USH2A: variants seen among roughly 807,000 people sequenced by gnomAD.
USH2A encodes the protein Usher syndrome 2A (autosomal recessive, mild).
A neutral mutation model predicts 538.9 loss-of-function variants in USH2A; 443 were observed. The observed-to-expected ratio is 0.82, with a 90% CI of 0.76 to 0.89. USH2A has a LOEUF of 0.89. USH2A is among the 40% of genes least tolerant of loss of function. USH2A has a pLI of 0.00. For synonymous variants in USH2A, 2,413 were observed against 2,273.5 expected, an observed-to-expected ratio of 1.06 and a Z score of -1.75; for missense variants, 6,633 against 6,324.8, an observed-to-expected ratio of 1.05 and a Z score of -1.65.
chr1:216,149,706 C>A (rs2033794151), intron 21 of USH2A, among the ~76,000 whole-genome samples: 1 of 152,136 alleles, frequency 6.6e-6, no homozygotes, highest in Non-Finnish European at 1.5e-5. Flanking sequence ...GGCTGCTAAT[C>A]TTCTCTTGCC....
At chr1:216,345,941 G>A (rs6671672) in intron 4 of USH2A, among the ~76,000 whole-genome samples, 2,284 of 152,182 alleles carry the variant, frequency 0.015, 55 homozygotes, top group African/African-American at 0.052. Flanking sequence ...GACTCCTTCT[G>A]GGAAGAGCAA....
intron 3 of USH2A, among the ~76,000 whole-genome samples, chr1:216,389,642 T>G (rs1300440962): frequency 2.0e-5 from 3 of 152,210 alleles, no homozygotes; most frequent in Admixed American, 6.5e-5. Context: ...AGGAGATTTA[T>G]ATGCTATAAA....
chr1:215,849,574 G>C (rs1663964039), intron 44 of USH2A, among the ~76,000 whole-genome samples: 1 of 152,124 alleles, frequency 6.6e-6, no homozygotes, highest in South Asian at 2.1e-4. Flanking sequence ...TTATGGATAT[G>C]AAATGCCCCA....
At chr1:216,169,381 C>G (rs2034233483) in intron 21 of USH2A, among the ~76,000 whole-genome samples, 1 of 152,016 alleles carries the variant, frequency 6.6e-6, no homozygotes, top group African/African-American at 2.4e-5. Context: ...AAATAAGTCA[C>G]TTTTAAAAGG....
chr1:216,359,943 G>A (rs921310009), intron 4 of USH2A, among the ~76,000 whole-genome samples: 2 of 152,090 alleles, frequency 1.3e-5, no homozygotes, highest in Admixed American at 6.6e-5. Flanking sequence ...TGGGGCAACA[G>A]GGACTCTCTT....
intron 38 of USH2A, among the ~76,000 whole-genome samples, chr1:215,915,717 G>A (rs1665935739): frequency 6.6e-6 from 1 of 151,812 alleles, no homozygotes; most frequent in Non-Finnish European, 1.5e-5. Context: ...AAATCATGCT[G>A]CTATAAAGAC....
At position 216,175,478 on chromosome 1, in the gene USH2A, T is replaced by G. The variant is rs747002715; in HGVS notation, c.4401A>C (p.Pro1467=). Residue 1467 remains proline (P), a synonymous_variant, in exon 21 of 72, where the codon CCA becomes CCC. Transcript: ENST00000307340. ...TAACCAGAGGTGGCCTCAGTTGTGC[T>G]GGTGCTAAATATTAGAAAACACCTG... ...SGAGQTLAAA[P]AQLRPPLVKG... The G allele has an allele frequency of 1.2e-6, 2 of 1,613,778 alleles. No individual in the cohort carries two copies. The highest frequency in any genetic ancestry group is 1.7e-6 in the Non-Finnish European group (2 of 1,179,850).
chr1:216,386,774 G>A (rs781443073), intron 3 of USH2A, among the ~76,000 whole-genome samples: 5 of 151,536 alleles, frequency 3.3e-5, no homozygotes, highest in Admixed American at 6.6e-5. Flanking sequence ...ATAATGGAGC[G>A]AACCCGGGAG....
intron 64 of USH2A, among the ~76,000 whole-genome samples, chr1:215,655,489 C>G (rs1307479533): frequency 6.6e-6 from 1 of 152,134 alleles, no homozygotes; most frequent in Non-Finnish European, 1.5e-5. Context: ...CTATTTTTCT[C>G]TCAGTGCAGA....
At chr1:216,150,683 C>T (rs1264422992) in intron 21 of USH2A, among the ~76,000 whole-genome samples, 2 of 152,046 alleles carry the variant, frequency 1.3e-5, no homozygotes. Flanking sequence ...CAAGCTGCCG[C>T]CCTCCTTCGC....
intron 3 of USH2A, among the ~76,000 whole-genome samples, chr1:216,394,203 C>A (rs191568015): frequency 6.6e-6 from 1 of 152,294 alleles, no homozygotes; most frequent in East Asian, 1.9e-4. Flanking sequence ...TGCAAAACAA[C>A]TGTAATCTGA....
At chr1:216,196,817 T>C in intron 18 of USH2A, 95 bp from the exon 19 acceptor site, 1 of 1,370,178 alleles carries the variant, frequency 7.3e-7, no homozygotes, top group East Asian at 2.5e-5. Flanking sequence ...GTTTCTGAAA[T>C]ACCTTTACCT....
intron 34 of USH2A, among the ~76,000 whole-genome samples, chr1:215,995,068 T>A (rs552146399): frequency 6.6e-6 from 1 of 152,320 alleles, no homozygotes; most frequent in African/African-American, 2.4e-5. Flanking sequence ...TACTTGTCAC[T>A]ATTTTTTTCT....
At chr1:215,981,459 C>T (rs1176429278) in intron 35 of USH2A, among the ~76,000 whole-genome samples, 1 of 152,126 alleles carries the variant, frequency 6.6e-6, no homozygotes, top group African/African-American at 2.4e-5. Context: ...ATACTACTCA[C>T]TGTAAAGTCT....
chr1:216,007,678 T>G (rs931389160), intron 32 of USH2A, among the ~76,000 whole-genome samples: 9 of 152,216 alleles, frequency 5.9e-5, no homozygotes, highest in Non-Finnish European at 1.3e-4. Context: ...GTAGAAGCAC[T>G]GAGGATACCC....
At chr1:215,906,594 CA>C (rs2102475127) in intron 38 of USH2A, among the ~76,000 whole-genome samples, 1 of 151,990 alleles carries the variant, frequency 6.6e-6, no homozygotes, top group East Asian at 1.9e-4. Context: ...ATTAAATAAA[CA>C]AATTTCAATA....
At chr1:216,413,193 C>T in intron 3 of USH2A, among the ~76,000 whole-genome samples, 1 of 151,994 alleles carries the variant, frequency 6.6e-6, no homozygotes, top group East Asian at 1.9e-4. Context: ...TGCATACTTA[C>T]ACACACATAC....
rs150035085 is a variant in USH2A, at chr1:215,974,802, C to T, written c.6806-4026G>A. ...TGTGACTAGTACTGTGATGAACACA[C>T]GAGTGCATGTTTCTTTTGGTAGAAT... On this transcript the variant is annotated intron_variant, in intron 35 of 71. Coordinates refer to ENST00000307340, the MANE Select transcript of USH2A (RefSeq NM_206933.4). 1.5e-3 allele frequency among the ~76,000 whole-genome samples: 232 copies of T among 152,194 alleles called. 2 individuals carry two copies. Among genetic ancestry groups the T allele is most frequent in the East Asian group, 0.015 (77 of 5,178 alleles).
chr1:215,867,301 C>T, intron 43 of USH2A, 131 bp from the exon 44 acceptor site: 1 of 994,090 alleles, frequency 1.0e-6, no homozygotes, highest in South Asian at 1.6e-5. Flanking sequence ...TTTTCTTTTC[C>T]TCCCTAGAAA....
Sources: gnomAD v4.1 joint callset for allele counts (sites outside exome capture counted in the v4.1 genomes callset) on GRCh38, gnomAD v4.1.1 for gene constraint, MANE v1.5 for transcripts, NCBI Gene and HGNC (gene_info 2026-07-23, HGNC 2026-07-21) for gene names.